POLB: variants seen among roughly 807,000 people sequenced by gnomAD.
POLB encodes 5'-dRP lyase.
In POLB, 37 loss-of-function variants were observed where a neutral mutation model predicts 52.7. The ratio of observed to expected loss-of-function variants is 0.70; its 90% confidence interval spans 0.54 to 0.92. The LOEUF is 0.92. Among genes scored for constraint, POLB ranks in the 40% least tolerant of loss-of-function variants. The probability of loss-of-function intolerance (pLI) is 0.00; values close to 1 mark genes in which losing one functional copy is unlikely to be tolerated. For synonymous variants in POLB, 138 were observed against 131.3 expected, an observed-to-expected ratio of 1.05 and a Z score of -0.35; for missense variants, 313 against 400.8, an observed-to-expected ratio of 0.78 and a Z score of 1.87.
At chr8:42,361,836 A>C (rs1036774892) in intron 10 of POLB, 14 of 160,416 alleles carry the variant, frequency 8.7e-5, no homozygotes, top group African/African-American at 3.4e-4. Context: ...CTTTGATTTA[A>C]GGAAACAGAT....
intron 2 of POLB, among the ~76,000 whole-genome samples, chr8:42,341,531 T>A (rs1213816108): frequency 6.6e-6 from 1 of 152,244 alleles, no homozygotes; most frequent in East Asian, 1.9e-4. Context: ...GTACTGTCAC[T>A]TCTCATCAGC....
chr8:42,338,648 G>A lies in POLB; in HGVS notation c.24G>A (p.Gln8=). The stretch of plus-strand genomic sequence containing the variant: ...CCATGAGCAAACGGAAGGCGCCGCA[G>A]GAGACTCTCAACGGGGGAATCACCG... MSKRKAP[Q]ETLNGGITDM... is the part of the protein sequence containing the mutation. The change falls in exon 1 of 14, where the codon CAG becomes CAA. Residue 8 remains glutamine, a synonymous_variant. Coordinates refer to ENST00000265421, the MANE Select transcript of POLB (RefSeq NM_002690.3). The A allele has an allele frequency of 2.5e-6, 4 of 1,614,240 alleles. No individual in the cohort carries two copies. Among genetic ancestry groups the A allele is most frequent in the Non-Finnish European group, 8.5e-7 (1 of 1,180,026 alleles).
At chr8:42,342,400 T>C in intron 2 of POLB, 1 of 1,451,444 alleles carries the variant, frequency 6.9e-7, no homozygotes, top group Non-Finnish European at 9.6e-7. Flanking sequence ...TTCGTGTGCA[T>C]ATGCTGCGCA....
At chr8:42,355,108 G>A (rs531145570) in intron 6 of POLB, among the ~76,000 whole-genome samples, 64 of 151,678 alleles carry the variant, frequency 4.2e-4, no homozygotes, top group African/African-American at 1.5e-3. Flanking sequence ...GCGCAATCTC[G>A]GCTCACTGCA....
chr8:42,360,654 AAATAGCTGTAT>A (rs1326804020), intron 9 of POLB, among the ~76,000 whole-genome samples: 2 of 152,204 alleles, frequency 1.3e-5, no homozygotes, highest in African/African-American at 2.4e-5. Context: ...AGAAAGGTTT[AAATAGCTGTAT>A]ATAACTTGCC....
rs56230437 is a variant in POLB, at chr8:42,371,729, G to A, written c.*72G>A. 3.7e-3 allele frequency: 3,234 copies of A among 877,406 alleles called. 71 individuals carry two copies. In the African/African-American group the frequency reaches 0.048, roughly 13 times the overall value. 54.4% of individuals were successfully genotyped at this position (877,406 alleles called of 1,614,324 possible). A position where few individuals can be genotyped will look rare whatever the true frequency, so the allele number is the denominator to read the frequency against. ...TATTTCTTAACCTTTGCTATGTAAG[G>A]GTCTTTGGTGTTTTTAAATGATTGT... is the stretch of plus-strand genomic sequence containing the variant. On this transcript the variant is annotated 3_prime_UTR_variant, in exon 14 of 14. Coordinates refer to ENST00000265421, the MANE Select transcript of POLB (RefSeq NM_002690.3).
chr8:42,342,711 G>A lies in POLB; in HGVS notation c.120-2242G>A, dbSNP rs557796352. On this transcript the variant is annotated intron_variant, in intron 2 of 13. Transcript: ENST00000265421. ...GGAGCAATTTTTAAAAACTGATGTA[G>A]GGGCCAGGCACAGTGGCTCACGTCT... is the stretch of plus-strand genomic sequence containing the variant. 7.7e-4 allele frequency: 340 copies of A among 443,436 alleles called. 1 individual carries two copies. Among genetic ancestry groups the A allele is most frequent in the Non-Finnish European group, 1.1e-3 (274 of 242,250 alleles). The allele number at this position is 443,436 out of a possible 1,614,324, so 27.5% of individuals were successfully genotyped here. A position where few individuals can be genotyped will look rare whatever the true frequency, so the allele number is the denominator to read the frequency against.
chr8:42,367,826 A>G (rs765518310), intron 11 of POLB, among the ~76,000 whole-genome samples: 30 of 152,136 alleles, frequency 2.0e-4, no homozygotes, highest in Non-Finnish European at 3.2e-4. Flanking sequence ...TCTGCATTCA[A>G]CTATTGGTTT....
chr8:42,343,369 T>C (rs9721024), intron 2 of POLB, among the ~76,000 whole-genome samples: 1,305 of 36,160 alleles, frequency 0.036, 70 homozygotes, highest in East Asian at 0.071. Context: ...TATATATATA[T>C]ACACAAAATT....
intron 2 of POLB, chr8:42,339,975 G>T (rs1822097840): frequency 6.6e-6 from 1 of 152,026 alleles, no homozygotes; most frequent in Non-Finnish European, 1.5e-5. Context: ...TCACTTTATG[G>T]TGAATCTTCT....
intron 11 of POLB, among the ~76,000 whole-genome samples, chr8:42,367,253 T>C (rs1386470122): frequency 6.6e-6 from 1 of 152,122 alleles, no homozygotes; most frequent in African/African-American, 2.4e-5. Context: ...ATAATAAATA[T>C]GTGAATTATA....
At chr8:42,362,175 G>A (rs907143686) in intron 10 of POLB, among the ~76,000 whole-genome samples, 10 of 151,906 alleles carry the variant, frequency 6.6e-5, no homozygotes, top group Non-Finnish European at 1.3e-4. Flanking sequence ...CAGGAGAATC[G>A]CTTGAACCCA....
intron 11 of POLB, 45 bp from the exon 12 acceptor site, chr8:42,369,226 T>C: frequency 8.6e-7 from 1 of 1,164,192 alleles, no homozygotes; most frequent in Non-Finnish European, 1.3e-6. Context: ...AATTAAGCCT[T>C]AAGTTTAGAA....
chr8:42,362,258 AAAAATAAAAT>A (rs200006937), intron 10 of POLB, among the ~76,000 whole-genome samples: 1,019 of 93,278 alleles, frequency 0.011, 19 homozygotes, highest in Admixed American at 0.049. Flanking sequence ...GACTCCATCT[AAAAATAAAAT>A]AAAATAAAAT....
intron 3 of POLB, 24 bp downstream of exon 3, chr8:42,345,043 C>T (rs117229828): frequency 1.7e-4 from 266 of 1,549,674 alleles, no homozygotes; most frequent in Admixed American, 2.0e-4. Context: ...GCATGTTGAT[C>T]GAAGAGTTCA....
intron 11 of POLB, among the ~76,000 whole-genome samples, chr8:42,366,805 G>A (rs1017226457): frequency 7.2e-5 from 11 of 152,136 alleles, no homozygotes; most frequent in African/African-American, 2.2e-4. Context: ...TTTGCCCTAC[G>A]TCAGAAGACC....
rs762081043 is a variant in POLB at position 42,371,675 on chromosome 8, G to A, written c.*18G>A. 5 of 1,436,222 alleles carry A rather than the reference G, an allele frequency of 3.5e-6. No homozygotes were observed. Among genetic ancestry groups the A allele is most frequent in the Non-Finnish European group, 4.9e-6 (5 of 1,018,274 alleles). The allele number at this position is 1,436,222 out of a possible 1,614,324, so 89.0% of individuals were successfully genotyped here. Reference sequence around the variant, plus strand: ...GCGAATGAGGCCTGTATCCTCCCTGGCAGACACAACCCAATAGGAGTCTTA... The same window carrying A: ...GCGAATGAGGCCTGTATCCTCCCTGACAGACACAACCCAATAGGAGTCTTA... On this transcript the variant is annotated 3_prime_UTR_variant, in exon 14 of 14. Transcript: ENST00000265421.
At chr8:42,349,484 G>A (rs965016743) in intron 4 of POLB, among the ~76,000 whole-genome samples, 4 of 152,272 alleles carry the variant, frequency 2.6e-5, no homozygotes, top group Admixed American at 2.6e-4. Context: ...CGCCTCCTGG[G>A]TTCATGCCAT....
intron 6 of POLB, among the ~76,000 whole-genome samples, chr8:42,354,883 C>T (rs780519732): frequency 1.2e-4 from 19 of 152,168 alleles, no homozygotes; most frequent in African/African-American, 4.3e-4. Flanking sequence ...ATCTACTACT[C>T]AGTGCTAATG....
Sources: gnomAD v4.1 joint callset for allele counts (sites outside exome capture counted in the v4.1 genomes callset) on GRCh38, gnomAD v4.1.1 for gene constraint, MANE v1.5 for transcripts, NCBI Gene and HGNC (gene_info 2026-07-23, HGNC 2026-07-21) for gene names.